SPATA7: variants seen among roughly 807,000 people sequenced by gnomAD.
The protein encoded by SPATA7 is spermatogenesis-associated protein 7.
In SPATA7, 43 loss-of-function variants were observed where a neutral mutation model predicts 51.8. The observed-to-expected ratio is 0.83, with a 90% CI of 0.65 to 1.07. SPATA7 has a LOEUF of 1.07. Among genes scored for constraint, SPATA7 ranks in the 50% least tolerant of loss-of-function variants. The probability of loss-of-function intolerance (pLI) is 0.00; values close to 1 mark genes in which losing one functional copy is unlikely to be tolerated. For synonymous variants in SPATA7, 230 were observed against 252.8 expected, an observed-to-expected ratio of 0.91 and a Z score of 0.86; for missense variants, 683 against 701.3, an observed-to-expected ratio of 0.97 and a Z score of 0.30.
chr14:88,404,965 A>G (rs958810831), intron 4 of SPATA7, among the ~76,000 whole-genome samples: 1 of 152,218 alleles, frequency 6.6e-6, no homozygotes, highest in Admixed American at 6.5e-5. Flanking sequence ...AGCAAATACA[A>G]ATAAATAAAG....
intron 4 of SPATA7, among the ~76,000 whole-genome samples, chr14:88,413,053 A>T (rs921586004): frequency 2.2e-4 from 33 of 152,186 alleles, no homozygotes; most frequent in African/African-American, 7.9e-4. Context: ...GGTTCCATAT[A>T]AATTTTAGAA....
intron 4 of SPATA7, chr14:88,468,009 G>T: frequency 8.3e-7 from 1 of 1,203,526 alleles, no homozygotes. Flanking sequence ...CATTCAGACT[G>T]CGCCACTTAC....
chr14:88,419,845 T>A (rs1432904687), intron 5 of SPATA7, among the ~76,000 whole-genome samples: 1 of 152,120 alleles, frequency 6.6e-6, no homozygotes, highest in East Asian at 1.9e-4. Context: ...TATTTCTGGC[T>A]TCTTATTTCA....
At chr14:88,431,037 C>A in intron 8 of SPATA7, 135 bp from the exon 9 acceptor site, 1 of 869,574 alleles carries the variant, frequency 1.1e-6, no homozygotes, top group Non-Finnish European at 1.9e-6. Flanking sequence ...ATTCCAAAAT[C>A]CAAATTCTGA....
downstream of SPATA7, among the ~76,000 whole-genome samples, chr14:88,440,266 C>G (rs58396970): frequency 0.026 from 3,949 of 152,232 alleles, 177 homozygotes; most frequent in African/African-American, 0.09. Flanking sequence ...GGTCCAAGCC[C>G]CAGACCTGCC....
intron 3 of SPATA7, among the ~76,000 whole-genome samples, chr14:88,443,543 A>T (rs2077192121): frequency 1.3e-5 from 2 of 152,168 alleles, no homozygotes; most frequent in South Asian, 4.1e-4. Context: ...CAGGTTAGTT[A>T]CATATGTATA....
rs1276389286 is a variant in SPATA7, at chr14:88,391,461, T to G, written c.94+6T>G. Reference sequence around the variant, plus strand: ...CTTGAGCACCAAAAGTAATGGTAAGTGAGGTGCTTAAAACGGCAGCTTTGT... The same window carrying G: ...CTTGAGCACCAAAAGTAATGGTAAGGGAGGTGCTTAAAACGGCAGCTTTGT... On this transcript the variant is annotated splice_donor_region_variant and intron_variant, in intron 2 of 11. Coordinates refer to ENST00000393545, the MANE Select transcript of SPATA7 (RefSeq NM_018418.5). 2.5e-6 allele frequency: 4 copies of G among 1,612,704 alleles called. No individual in the cohort carries two copies. In the Admixed American group the frequency reaches 6.7e-5, roughly 27 times the overall value.
intron 3 of SPATA7, among the ~76,000 whole-genome samples, chr14:88,452,375 G>A (rs952223676): frequency 6.6e-6 from 1 of 152,204 alleles, no homozygotes; most frequent in African/African-American, 2.4e-5. Flanking sequence ...TTTTTGTTAA[G>A]TGTACTACTG....
At chr14:88,430,907 AT>A (rs1264326510) in intron 8 of SPATA7, among the ~76,000 whole-genome samples, 2 of 152,124 alleles carry the variant, frequency 1.3e-5, no homozygotes, top group African/African-American at 4.8e-5. Flanking sequence ...AAATTTGAAA[AT>A]CTGTAATTCA....
intron 10 of SPATA7, among the ~76,000 whole-genome samples, chr14:88,437,238 G>A (rs1316350917): frequency 6.6e-6 from 1 of 151,624 alleles, no homozygotes; most frequent in Non-Finnish European, 1.5e-5. Context: ...TATCGGGGTA[G>A]AGAGGCTTTG....
intron 5 of SPATA7, among the ~76,000 whole-genome samples, chr14:88,420,087 T>C (rs1363781784): frequency 1.3e-5 from 2 of 152,152 alleles, no homozygotes; most frequent in Non-Finnish European, 2.9e-5. Context: ...TAAAAGAGAA[T>C]GGAAAAATAA....
chr14:88,464,216 A>G (rs1458604925), intron 4 of SPATA7, among the ~76,000 whole-genome samples: 1 of 152,168 alleles, frequency 6.6e-6, no homozygotes, highest in Admixed American at 6.5e-5. Flanking sequence ...AAAAGCTCAT[A>G]TTCTTTTGAG....
At chr14:88,430,458 G>A (rs2076909902) in intron 8 of SPATA7, among the ~76,000 whole-genome samples, 1 of 152,112 alleles carries the variant, frequency 6.6e-6, no homozygotes, top group African/African-American at 2.4e-5. Flanking sequence ...AAGTAAAGTA[G>A]AATAGTATAG....
rs1440945212 is a variant in SPATA7 at position 88,390,113 on chromosome 14, A to G, written c.20-1268A>G. 2.0e-5 allele frequency among the ~76,000 whole-genome samples: 3 copies of G among 152,192 alleles called. No homozygotes were observed. In the East Asian group the frequency reaches 5.8e-4, roughly 29 times the overall value. On this transcript the variant is annotated intron_variant, in intron 1 of 11. Coordinates refer to ENST00000393545, the MANE Select transcript of SPATA7 (RefSeq NM_018418.5). ...AATTACCCTCATCTATAAAGTAGGG[A>G]GAATTATAGTATTGTAAGGATTAAA... is the stretch of plus-strand genomic sequence containing the variant.
chr14:88,435,734 G>A (rs776760369), intron 10 of SPATA7, among the ~76,000 whole-genome samples: 4 of 152,056 alleles, frequency 2.6e-5, no homozygotes, highest in Non-Finnish European at 5.9e-5. Context: ...CTCCAGTTCC[G>A]TCCATATTGT....
At chr14:88,424,530 C>CT (rs2076736272) in intron 5 of SPATA7, among the ~76,000 whole-genome samples, 1 of 152,228 alleles carries the variant, frequency 6.6e-6, no homozygotes, top group South Asian at 2.1e-4. Flanking sequence ...ATCATAATGG[C>CT]TTATGCATTT....
At chr14:88,443,020 C>T (rs1375112272), downstream of SPATA7, among the ~76,000 whole-genome samples, 2 of 149,446 alleles carry the variant, frequency 1.3e-5, no homozygotes, top group African/African-American at 4.9e-5. Context: ...CAGCTCACTG[C>T]TGCAACCTCT....
chr14:88,398,726 T>G (rs1411433186), intron 4 of SPATA7, among the ~76,000 whole-genome samples: 5 of 152,184 alleles, frequency 3.3e-5, no homozygotes, highest in African/African-American at 1.2e-4. Flanking sequence ...ATATTTGAAT[T>G]TATGTAGAGT....
At chr14:88,453,108 T>C (rs1449574337) in intron 3 of SPATA7, among the ~76,000 whole-genome samples, 2 of 152,230 alleles carry the variant, frequency 1.3e-5, no homozygotes, top group Non-Finnish European at 2.9e-5. Flanking sequence ...TAATACTGTT[T>C]ACCCAATTTG....
Sources: gnomAD v4.1 joint callset for allele counts (sites outside exome capture counted in the v4.1 genomes callset) on GRCh38, gnomAD v4.1.1 for gene constraint, MANE v1.5 for transcripts, NCBI Gene and HGNC (gene_info 2026-07-23, HGNC 2026-07-21) for gene names.